Variants in FBXL17 observed in about 807,000 individuals in gnomAD.
FBXL17 encodes F-box and leucine rich repeat protein 17.
In FBXL17, 22 loss-of-function variants were observed where a neutral mutation model predicts 66.2. That is an observed-to-expected ratio of 0.33 (90% CI 0.24 to 0.47). FBXL17 has a LOEUF of 0.47. Ranked by LOEUF, FBXL17 falls within the 20% of genes least tolerant of loss-of-function variation. The pLI, the probability that FBXL17 is intolerant of heterozygous loss-of-function variation, is 1.00. For synonymous variants in FBXL17, 474 were observed against 400.5 expected (o/e 1.18, Z -2.19); for missense variants, 878 against 948.2 (o/e 0.93, Z 0.97).
chr5:108,334,985 C>T (rs1365874322), intron 4 of FBXL17, among the ~76,000 whole-genome samples: 1 of 152,148 alleles, frequency 6.6e-6, no homozygotes, highest in African/African-American at 2.4e-5. Context: ...TGTTAAATTA[C>T]AAATTCTACA....
intron 4 of FBXL17, among the ~76,000 whole-genome samples, chr5:108,249,379 C>A (rs1178589685): frequency 6.6e-6 from 1 of 152,062 alleles, no homozygotes; most frequent in East Asian, 1.9e-4. Flanking sequence ...ATGAGAGGAA[C>A]AAAATATTAA....
At chr5:107,885,157 T>A (rs1232825877) in intron 7 of FBXL17, among the ~76,000 whole-genome samples, 1 of 152,202 alleles carries the variant, frequency 6.6e-6, no homozygotes, top group South Asian at 2.1e-4. Context: ...GGATAAATTA[T>A]GCAAGACTAA....
chr5:108,108,407 G>A (rs930919386), intron 6 of FBXL17, among the ~76,000 whole-genome samples: 1 of 152,162 alleles, frequency 6.6e-6, no homozygotes, highest in Non-Finnish European at 1.5e-5. Context: ...TAATGAAAGT[G>A]TTTAGAAAAC....
At chr5:108,242,869 C>T (rs115451844) in intron 4 of FBXL17, among the ~76,000 whole-genome samples, 127 of 152,086 alleles carry the variant, frequency 8.4e-4, no homozygotes, top group African/African-American at 3.0e-3. Context: ...GAAAAAGGAA[C>T]TAAGAATAGT....
At chr5:107,976,212 T>C (rs1388538950) in intron 7 of FBXL17, among the ~76,000 whole-genome samples, 2 of 152,192 alleles carry the variant, frequency 1.3e-5, no homozygotes, top group Non-Finnish European at 2.9e-5. Context: ...ATTTTAAGTA[T>C]TACAAAAACA....
At chr5:108,080,044 T>C (rs564748776) in intron 6 of FBXL17, among the ~76,000 whole-genome samples, 1 of 152,298 alleles carries the variant, frequency 6.6e-6, no homozygotes, top group South Asian at 2.1e-4. Context: ...TTGTATAGGA[T>C]TGAACACCAC....
intron 4 of FBXL17, among the ~76,000 whole-genome samples, chr5:108,249,239 A>C (rs1756241846): frequency 6.6e-6 from 1 of 152,038 alleles, no homozygotes; most frequent in African/African-American, 2.4e-5. Flanking sequence ...AACCACCATG[A>C]CTAGACATGC....
At chr5:107,882,121 C>T (rs113163952) in intron 7 of FBXL17, among the ~76,000 whole-genome samples, 1 of 152,130 alleles carries the variant, frequency 6.6e-6, no homozygotes. Flanking sequence ...TGAATCAAAA[C>T]CCTGAAAACA....
rs149024821 is a variant in FBXL17 at position 108,374,107 on chromosome 5, G to A, written c.994-6154C>T. Among the ~76,000 whole-genome samples, 1,035 of 152,272 alleles carry A rather than the reference G, an allele frequency of 6.8e-3. 11 individuals carry two copies. Among genetic ancestry groups the A allele is most frequent in the African/African-American group, 0.024 (992 of 41,562 alleles). On this transcript the variant is annotated intron_variant, in intron 1 of 8. Coordinates refer to ENST00000542267, the MANE Select transcript of FBXL17 (RefSeq NM_001163315.3). ...CAAAAAGAGTTCCGCATTAATGCTTGGAGACTACAACGTACAACTTTCAAT... is the reference window on the plus strand; with the variant it reads ...CAAAAAGAGTTCCGCATTAATGCTTAGAGACTACAACGTACAACTTTCAAT...
At chr5:108,034,633 A>ATT (rs1746769015) in intron 6 of FBXL17, among the ~76,000 whole-genome samples, 1 of 152,186 alleles carries the variant, frequency 6.6e-6, no homozygotes, top group African/African-American at 2.4e-5. Context: ...ATGAAATAAA[A>ATT]ATCTTCACTG....
intron 2 of FBXL17, among the ~76,000 whole-genome samples, chr5:108,367,177 G>A (rs1296707117): frequency 6.6e-6 from 1 of 151,964 alleles, no homozygotes; most frequent in African/African-American, 2.4e-5. Flanking sequence ...TATTTCTAAT[G>A]CCAAATACCA....
intron 6 of FBXL17, among the ~76,000 whole-genome samples, chr5:108,110,762 C>T (rs868305487): frequency 5.3e-5 from 8 of 150,910 alleles, no homozygotes; most frequent in East Asian, 1.9e-4. Context: ...AAAAAAGGGG[C>T]GAATTTGTGC....
chr5:108,093,333 C>G (rs1019586798), intron 6 of FBXL17, among the ~76,000 whole-genome samples: 1 of 151,472 alleles, frequency 6.6e-6, no homozygotes, highest in African/African-American at 2.4e-5. Flanking sequence ...CCTGGAACTA[C>G]TGCCCCCTTG....
At chr5:108,264,752 G>C (rs141841963) in intron 4 of FBXL17, among the ~76,000 whole-genome samples, 1 of 151,984 alleles carries the variant, frequency 6.6e-6, no homozygotes, top group Admixed American at 6.6e-5. Context: ...ATTGGCCCAT[G>C]ACAATAACTT....
At chr5:108,220,761 C>G (rs1004322284) in intron 5 of FBXL17, among the ~76,000 whole-genome samples, 2 of 152,156 alleles carry the variant, frequency 1.3e-5, no homozygotes, top group Admixed American at 6.6e-5. Context: ...GCAGGTCCCA[C>G]AGTCTAAACA....
At chr5:108,069,157 T>C (rs1002108060) in intron 6 of FBXL17, among the ~76,000 whole-genome samples, 3 of 152,158 alleles carry the variant, frequency 2.0e-5, no homozygotes, top group Non-Finnish European at 4.4e-5. Context: ...GGGGCAGAGC[T>C]AGGAGAAATA....
chr5:108,166,806 C>T (rs1305961667), intron 6 of FBXL17, among the ~76,000 whole-genome samples: 1 of 152,134 alleles, frequency 6.6e-6, no homozygotes, highest in Non-Finnish European at 1.5e-5. Context: ...TTTTCAGTCA[C>T]TAGATCATTT....
intron 4 of FBXL17, among the ~76,000 whole-genome samples, chr5:108,346,943 G>A (rs968046272): frequency 2.0e-5 from 3 of 152,046 alleles, no homozygotes; most frequent in Non-Finnish European, 2.9e-5. Context: ...TAAATGTTAT[G>A]AACTCCAAGG....
At chr5:108,036,780 G>A (rs1012826011) in intron 6 of FBXL17, among the ~76,000 whole-genome samples, 5 of 152,178 alleles carry the variant, frequency 3.3e-5, no homozygotes, top group African/African-American at 1.2e-4. Context: ...TTGAACGAAT[G>A]AGAGAAGAAT....
Sources: gnomAD v4.1 joint callset for allele counts (sites outside exome capture counted in the v4.1 genomes callset) on GRCh38, gnomAD v4.1.1 for gene constraint, MANE v1.5 for transcripts, NCBI Gene and HGNC (gene_info 2026-07-23, HGNC 2026-07-21) for gene names.